ATP2A1: variants seen among roughly 807,000 people sequenced by gnomAD.
The protein encoded by ATP2A1 is sarcoplasmic/endoplasmic reticulum calcium ATPase 1.
Under a neutral mutation model 109.5 loss-of-function variants are expected in ATP2A1, and 83 were observed. The ratio of observed to expected loss-of-function variants is 0.76; its 90% CI spans 0.63 to 0.91. The LOEUF is 0.91. ATP2A1 is among the 40% of genes least tolerant of loss of function. The pLI is 0.00. For synonymous variants in ATP2A1, 505 were observed against 537.6 expected (o/e 0.94, Z 0.84); for missense variants, 1,101 against 1,341.0 (o/e 0.82, Z 2.80).
intron 4 of ATP2A1, 91 bp from the exon 5 acceptor site, chr16:28,882,360 G>C (rs1963511266): frequency 6.3e-7 from 1 of 1,580,946 alleles, no homozygotes; most frequent in Admixed American, 1.7e-5. Flanking sequence ...CTGCCTGTGT[G>C]GGGTTTTGTT....
chr16:28,896,052 C>A (rs1224988939), intron 12 of ATP2A1, among the ~76,000 whole-genome samples: 1 of 152,120 alleles, frequency 6.6e-6, no homozygotes, highest in Non-Finnish European at 1.5e-5. Flanking sequence ...CCTTGAACTC[C>A]TGGGCTCAAA....
intron 8 of ATP2A1, 39 bp downstream of exon 8, chr16:28,887,761 C>T: frequency 6.2e-7 from 1 of 1,604,534 alleles, no homozygotes; most frequent in Non-Finnish European, 8.5e-7. Context: ...TTTGCTAATC[C>T]CATCTGCAAA....
chr16:28,903,668 A>AT lies in ATP2A1; in HGVS notation c.2981-31dup. On this transcript the variant is annotated intron_variant, in intron 21 of 22. Transcript: ENST00000395503. This position sits in a 1 kb window ranked among gnomAD's most constrained non-coding sequence, Gnocchi z 5.6. ...GCCCCCATGCCACCTCCCTGCCTTG[A>AT]TAACAGTGCCTCTTGTCCTCTCTGG... 2 of 1,601,590 alleles carry AT rather than the reference A, an allele frequency of 1.2e-6. No homozygotes were observed. The highest frequency in any genetic ancestry group is 2.2e-5 in the South Asian group (2 of 90,784).
In ATP2A1 at chr16:28,878,837, C is replaced by T. The variant is rs201563465; in HGVS notation, c.118+48C>T. ...GCTGGTAATTAATGCCCTCCTGCACCCCCAAAACACACGCACACGCATGCA... is the reference window on the plus strand; with the variant it reads ...GCTGGTAATTAATGCCCTCCTGCACTCCCAAAACACACGCACACGCATGCA... On this transcript the variant is annotated intron_variant, in intron 1 of 22. Transcript: ENST00000395503. 3.2e-6 allele frequency: 5 copies of T among 1,573,340 alleles called. No homozygotes were observed. The East Asian group carries it at 9.0e-5, about 28-fold the overall frequency.
chr16:28,888,851 C>T lies in ATP2A1; in HGVS notation c.993C>T (p.Ala331=). The part of the protein sequence containing the change: ...LGTRRMAKKN[A]IVRSLPSVET... ...CCCGTCGGATGGCAAAGAAGAATGC[C>T]ATTGTAAGAAGCTTGCCCTCCGTAG... Residue 331 remains alanine, a synonymous_variant, in exon 9 of 23, where the codon GCC becomes GCT. Coordinates refer to ENST00000395503, the MANE Select transcript of ATP2A1 (RefSeq NM_004320.6). 7.4e-6 allele frequency: 12 copies of T among 1,614,128 alleles called. No homozygotes were observed. The highest frequency in any genetic ancestry group is 1.0e-5 in the Non-Finnish European group (12 of 1,180,008).
rs554670861 is a variant in ATP2A1 at position 28,879,160 on chromosome 16, C to A, written c.136+44C>A. 4 of 1,610,174 alleles carry A rather than the reference C, an allele frequency of 2.5e-6. No individual in the cohort carries two copies. In the East Asian group the frequency reaches 8.9e-5, roughly 36 times the overall value. ...TGAACTCTCATAAATGACCACCCCC[C>A]ACCCCGCCCTGTCCCACTCCCTCCT... On this transcript the variant is annotated intron_variant, in intron 2 of 22. Transcript: ENST00000395503.
Position 28,900,870 on chromosome 16 carries a change from C to G in ATP2A1, c.2054C>G (p.Ser685Cys). 3 of 1,614,202 alleles carry G rather than the reference C, an allele frequency of 1.9e-6. No individual in the cohort carries two copies. The highest frequency in any genetic ancestry group is 2.2e-5 in the South Asian group (2 of 91,088). ...CFARVEPSHK[S>C]KIVEYLQSYD... is the part of the protein sequence containing the mutation. ...GCCCGTGTGGAGCCCTCGCACAAGT[C>G]CAAGATTGTGGAGTACCTGCAGTCC... Residue 685 changes from serine to cysteine, a missense_variant, in exon 15 of 23, where the codon TCC becomes TGC. Ser to Cys is a moderately radical substitution (Grantham distance 112). Coordinates refer to ENST00000395503, the MANE Select transcript of ATP2A1 (RefSeq NM_004320.6).
chr16:28,895,140 C>T (rs938775237), intron 12 of ATP2A1, among the ~76,000 whole-genome samples, 187 bp downstream of exon 12: 30 of 152,372 alleles, frequency 2.0e-4, no homozygotes, highest in African/African-American at 7.2e-4. Flanking sequence ...GGCTGCCTGG[C>T]GGCCATGCCC....
rs954501196 is a variant in ATP2A1, at chr16:28,883,082, G to GCGA, written c.463+495_463+497dup. On this transcript the variant is annotated intron_variant, in intron 5 of 22. Transcript: ENST00000395503. The surrounding 1 kb of genome is among the most constrained non-coding windows in gnomAD (Gnocchi z 5.2). ...GAAACTCAGGCCTGGCACAGAGCACGCGACCGGGGAGGAGGGAGCTCAAGG... is the reference window on the plus strand; with the variant it reads ...GAAACTCAGGCCTGGCACAGAGCACGCGACGACCGGGGAGGAGGGAGCTCAAGG... Among the ~76,000 whole-genome samples the GCGA allele has an allele frequency of 6.6e-6, 1 of 152,238 alleles. No individual in the cohort carries two copies. Among genetic ancestry groups the GCGA allele is most frequent in the Non-Finnish European group, 1.5e-5 (1 of 68,032 alleles).
rs1026999662 is a variant in ATP2A1 at position 28,882,440 on chromosome 16, T to C, written c.325-11T>C. On this transcript the variant is annotated splice_polypyrimidine_tract_variant and intron_variant, in intron 4 of 22. Coordinates refer to ENST00000395503, the MANE Select transcript of ATP2A1 (RefSeq NM_004320.6). The stretch of plus-strand genomic sequence containing the variant: ...GTGTATAACCCTGCCTCCTCCACCC[T>C]GTCTCCTCAGGAGCGGAACGCAGAG... The C allele has an allele frequency of 2.5e-6, 4 of 1,614,000 alleles. No homozygotes were observed. In the African/African-American group the frequency reaches 4.0e-5, roughly 16 times the overall value.
Position 28,900,847 on chromosome 16 carries a change from C to T in ATP2A1, c.2031C>T (p.Ala677=). The change falls in exon 15 of 23, where the codon GCC becomes GCT. Residue 677 remains alanine (A), a synonymous_variant. Coordinates refer to ENST00000395503, the MANE Select transcript of ATP2A1 (RefSeq NM_004320.6). ...REACRRACCF[A]RVEPSHKSKI... ...CCTGCCGACGTGCCTGCTGCTTCGC[C>T]CGTGTGGAGCCCTCGCACAAGTCCA... is the stretch of plus-strand genomic sequence containing the variant. 1.2e-6 allele frequency: 2 copies of T among 1,614,194 alleles called. No individual in the cohort carries two copies. Among genetic ancestry groups the T allele is most frequent in the Non-Finnish European group, 8.5e-7 (1 of 1,180,044 alleles).
chr16:28,879,153 C>T, intron 2 of ATP2A1, 37 bp downstream of exon 2: 1 of 1,611,524 alleles, frequency 6.2e-7, no homozygotes, highest in Non-Finnish European at 8.5e-7. Context: ...CATAAATGAC[C>T]ACCCCCCACC....
intron 9 of ATP2A1, among the ~76,000 whole-genome samples, chr16:28,891,740 G>A (rs899449281): frequency 2.0e-5 from 3 of 151,708 alleles, no homozygotes; most frequent in South Asian, 2.1e-4. Context: ...TTAGCCAGGC[G>A]TTGTGGTGGG....
chr16:28,881,361 C>A, intron 4 of ATP2A1: 2 of 401,358 alleles, frequency 5.0e-6, no homozygotes, highest in South Asian at 2.2e-5. Flanking sequence ...TTCCTTCTTC[C>A]ACTGACCTGA....
At chr16:28,897,147 A>G (rs1963940771) in intron 12 of ATP2A1, among the ~76,000 whole-genome samples, 1 of 152,146 alleles carries the variant, frequency 6.6e-6, no homozygotes, top group Non-Finnish European at 1.5e-5. Flanking sequence ...CTCCACAGCA[A>G]TTGCTCAGTT....
At chr16:28,893,624 C>T (rs1041870075) in intron 9 of ATP2A1, among the ~76,000 whole-genome samples, 2 of 151,210 alleles carry the variant, frequency 1.3e-5, no homozygotes, top group African/African-American at 4.9e-5. Context: ...CACAGCACAG[C>T]CTGCGGTCAC....
At position 28,880,584 on chromosome 16, in the gene ATP2A1, C is replaced by T. The variant is rs1050979137; in HGVS notation, c.220-331C>T. On this transcript the variant is annotated intron_variant, in intron 3 of 22. Transcript: ENST00000395503. This position sits in a 1 kb window ranked among gnomAD's most constrained non-coding sequence, Gnocchi z 4.2. ...GTTTTTCCTCTCGGGTTTTGGCTCC[C>T]GTGGGATGGATGTGGCTGTGCGGGG... 5.9e-5 allele frequency among the ~76,000 whole-genome samples: 9 copies of T among 152,246 alleles called. No homozygotes were observed. Among genetic ancestry groups the T allele is most frequent in the East Asian group, 1.9e-4 (1 of 5,200 alleles).
chr16:28,893,636 C>T (rs1358895787), intron 9 of ATP2A1, among the ~76,000 whole-genome samples: 6 of 145,754 alleles, frequency 4.1e-5, no homozygotes, highest in African/African-American at 1.5e-4. Flanking sequence ...TGCGGTCACT[C>T]GTTTGTGGGT....
At position 28,902,404 on chromosome 16, in the gene ATP2A1, C is replaced by A; in HGVS notation, c.2524+18C>A. The A allele has an allele frequency of 6.2e-7, 1 of 1,613,178 alleles. No homozygotes were observed. Among genetic ancestry groups the A allele is most frequent in the Non-Finnish European group, 8.5e-7 (1 of 1,179,464 alleles). On this transcript the variant is annotated intron_variant, in intron 17 of 22. Coordinates refer to ENST00000395503, the MANE Select transcript of ATP2A1 (RefSeq NM_004320.6). This position sits in a 1 kb window ranked among gnomAD's most constrained non-coding sequence, Gnocchi z 4.8. ...AATCGGGGGTGAGCTGGAGGGGTTC[C>A]TCGATCCTCCCCACCCCTTGGGACT... is the stretch of plus-strand genomic sequence containing the variant.
Sources: allele counts gnomAD v4.1 joint callset (sites outside exome capture counted in the v4.1 genomes callset), GRCh38; gene constraint gnomAD v4.1.1; non-coding constraint Gnocchi (gnomAD v3.1); transcripts MANE v1.5; gene names NCBI Gene and HGNC (gene_info 2026-07-23, HGNC 2026-07-21).